Variants in SAP30L observed in about 807,000 individuals in gnomAD.
SAP30L encodes the protein SAP30 like, also known as histone deacetylase complex subunit SAP30L.
SAP30L carries 10 observed loss-of-function variants against 22.3 expected under a neutral mutation model. The observed-to-expected ratio is 0.45, with a 90% CI of 0.28 to 0.76. SAP30L has a LOEUF of 0.76. SAP30L is among the 30% of genes least tolerant of loss of function. The probability of loss-of-function intolerance (pLI) is 0.14; values close to 1 mark genes in which losing one functional copy is unlikely to be tolerated. For synonymous variants in SAP30L, 91 were observed against 94.1 expected (o/e 0.97, Z 0.19); for missense variants, 206 against 237.9 (o/e 0.87, Z 0.88).
In SAP30L at chr5:154,446,682, C is replaced by T. The variant is rs1205862702; in HGVS notation, c.78C>T (p.Gly26=). Residue 26 remains glycine (G), a synonymous_variant, in exon 1 of 4, where the codon GGC becomes GGT. Transcript: ENST00000297109. ...CAGCTGCCGCCGCCCCGGGCTACGG[C>T]CAGAGCTGCTGCCTCATCGAGGACG... ...AAPAAAAPGY[G]QSCCLIEDGE... is the part of the protein sequence containing the mutation. 3 of 1,576,530 alleles carry T rather than the reference C, an allele frequency of 1.9e-6. No homozygotes were observed. The highest frequency in any genetic ancestry group is 1.7e-6 in the Non-Finnish European group (2 of 1,165,076).
chr5:154,447,495 A>ACTCC (rs983632207), intron 1 of SAP30L, among the ~76,000 whole-genome samples: 4 of 151,566 alleles, frequency 2.6e-5, no homozygotes, highest in Admixed American at 2.6e-4. Context: ...ATTATAGGAA[A>ACTCC]CTCCTCCCGT....
At chr5:154,447,585 G>C (rs1056747019) in intron 1 of SAP30L, among the ~76,000 whole-genome samples, 3 of 152,222 alleles carry the variant, frequency 2.0e-5, no homozygotes, top group African/African-American at 7.2e-5. Flanking sequence ...TTTGACATCT[G>C]TTGCTACAAG....
chr5:154,452,534 T>G, intron 2 of SAP30L: 10 of 946,240 alleles, frequency 1.1e-5, no homozygotes, highest in Non-Finnish European at 1.3e-5. Flanking sequence ...CCTTCAATTT[T>G]TCATGACTAT....
At chr5:154,447,738 G>T (rs1007402870) in intron 1 of SAP30L, among the ~76,000 whole-genome samples, 19 of 152,176 alleles carry the variant, frequency 1.2e-4, no homozygotes, top group African/African-American at 4.6e-4. Flanking sequence ...GGAAATCAGA[G>T]ACTGCTTGTT....
At position 154,446,271 on chromosome 5, in the gene SAP30L, G is replaced by C. The variant is rs1454365057; in HGVS notation, c.-334G>C. The C allele has an allele frequency of 4.0e-6, 1 of 247,320 alleles. No homozygotes were observed. Among genetic ancestry groups the C allele is most frequent in the Non-Finnish European group, 7.7e-6 (1 of 129,716 alleles). 15.3% of individuals were successfully genotyped at this position (247,320 alleles called of 1,614,324 possible). On this transcript the variant is annotated 5_prime_UTR_variant, in exon 1 of 4. Transcript: ENST00000297109. ...GGCCCGGAGTCCTTGGGGAGCGGCT[G>C]TTTCCTGGGACGCCCTCCCGGACAC...
intron 3 of SAP30L, among the ~76,000 whole-genome samples, chr5:154,453,875 A>G (rs1757206092): frequency 6.6e-6 from 1 of 152,182 alleles, no homozygotes; most frequent in South Asian, 2.1e-4. Flanking sequence ...CACCCAGGCT[A>G]GAGTGCAGTG....
At position 154,460,912 on chromosome 5, in the gene SAP30L, C is replaced by T. The variant is rs6884266; in HGVS notation, c.*4884C>T. ...TGGGGGATCATTTGTATTTTAACTT[C>T]GTAATCTATGGCTCTGTACTGTTGA... On this transcript the variant is annotated 3_prime_UTR_variant, in exon 4 of 4. Coordinates refer to ENST00000297109, the MANE Select transcript of SAP30L (RefSeq NM_024632.6). The T allele has an allele frequency of 0.92, 139,297 of 152,224 alleles. 63,857 individuals are homozygous for T. The highest frequency in any genetic ancestry group is 0.98 in the African/African-American group (40,552 of 41,534). The allele number at this position is 152,224 out of a possible 1,614,324, so 9.4% of individuals were successfully genotyped here.
chr5:154,452,922 C>G (rs1266437846), intron 2 of SAP30L, among the ~76,000 whole-genome samples: 1 of 152,044 alleles, frequency 6.6e-6, no homozygotes, highest in Non-Finnish European at 1.5e-5. Flanking sequence ...CCTCCGTATC[C>G]CCCCATCAGT....
intron 1 of SAP30L, among the ~76,000 whole-genome samples, chr5:154,447,642 G>A (rs1286273720): frequency 6.6e-6 from 1 of 152,328 alleles, no homozygotes; most frequent in Middle Eastern, 3.4e-3. Flanking sequence ...GAGTTAAGGG[G>A]ATATTTAATA....
chr5:154,456,267 C>A lies in SAP30L; in HGVS notation c.*239C>A, dbSNP rs971844496. The A allele has an allele frequency of 2.8e-5, 9 of 320,864 alleles. No homozygotes were observed. Among genetic ancestry groups the A allele is most frequent in the Admixed American group, 4.6e-5 (1 of 21,838 alleles). The allele number at this position is 320,864 out of a possible 1,614,324, so 19.9% of individuals were successfully genotyped here. A position where few individuals can be genotyped will look rare whatever the true frequency, so the allele number is the denominator to read the frequency against. On this transcript the variant is annotated 3_prime_UTR_variant, in exon 4 of 4. Coordinates refer to ENST00000297109, the MANE Select transcript of SAP30L (RefSeq NM_024632.6). Reference sequence around the variant, plus strand: ...TCAGGATCATTAAAAGAATTAAAAACTATGTATTTCAGCATTCAACAAAGC... The same window carrying A: ...TCAGGATCATTAAAAGAATTAAAAAATATGTATTTCAGCATTCAACAAAGC...
chr5:154,448,708 C>T (rs1255424257), intron 1 of SAP30L, among the ~76,000 whole-genome samples: 2 of 152,192 alleles, frequency 1.3e-5, no homozygotes, highest in Non-Finnish European at 2.9e-5. Context: ...ATTGACTGTA[C>T]TGGAAAACCT....
chr5:154,450,754 G>A (rs1267521174), intron 1 of SAP30L, among the ~76,000 whole-genome samples: 1 of 152,104 alleles, frequency 6.6e-6, no homozygotes, highest in Non-Finnish European at 1.5e-5. Context: ...TACCCATCTG[G>A]AATGCTTCCT....
At chr5:154,449,453 C>T (rs1310830550) in intron 1 of SAP30L, among the ~76,000 whole-genome samples, 1 of 152,150 alleles carries the variant, frequency 6.6e-6, no homozygotes, top group East Asian at 1.9e-4. Flanking sequence ...TCTCTTACAG[C>T]TAGGATTCCG....
In SAP30L at chr5:154,446,648, C is replaced by A. The variant is rs1757015592; in HGVS notation, c.44C>A (p.Pro15His). Residue 15 changes from proline to histidine, a missense_variant, in exon 1 of 4, where the codon CCC becomes CAC. Physicochemically the swap from Pro to His is moderately conservative, Grantham distance 77. This residue lies in a region of SAP30L where 70 missense variants were observed against 50.5 expected (regional missense o/e 1.39). Coordinates refer to ENST00000297109, the MANE Select transcript of SAP30L (RefSeq NM_024632.6). ...STEEDSREGPPAAPAAAAPGY... is the reference protein window; with the variant it reads ...STEEDSREGPHAAPAAAAPGY... ...GAGGAGGACAGCCGCGAAGGGCCCCCCGCCGCCCCAGCTGCCGCCGCCCCG... is the reference window on the plus strand; with the variant it reads ...GAGGAGGACAGCCGCGAAGGGCCCCACGCCGCCCCAGCTGCCGCCGCCCCG... The A allele has an allele frequency of 2.0e-6, 3 of 1,536,036 alleles. No individual in the cohort carries two copies. Among genetic ancestry groups the A allele is most frequent in the Non-Finnish European group, 2.6e-6 (3 of 1,144,058 alleles).
At chr5:154,455,461 A>C (rs1406712304) in intron 3 of SAP30L, among the ~76,000 whole-genome samples, 4 of 152,044 alleles carry the variant, frequency 2.6e-5, no homozygotes, top group African/African-American at 7.2e-5. Flanking sequence ...CTCCCACCTT[A>C]ACCTCCCAAA....
At chr5:154,446,853 C>G in intron 1 of SAP30L, 48 bp downstream of exon 1, 2 of 1,512,866 alleles carry the variant, frequency 1.3e-6, no homozygotes, top group Non-Finnish European at 9.0e-7. Context: ...CCCAGCTCTC[C>G]GTCCGCTGCC....
At position 154,458,553 on chromosome 5, in the gene SAP30L, G is replaced by C. The variant is rs1158805063; in HGVS notation, c.*2525G>C. 6.6e-6 allele frequency: 1 copy of C among 152,178 alleles called. No homozygotes were observed. Among genetic ancestry groups the C allele is most frequent in the Non-Finnish European group, 1.5e-5 (1 of 68,060 alleles). 9.4% of individuals were successfully genotyped at this position (152,178 alleles called of 1,614,324 possible). On this transcript the variant is annotated 3_prime_UTR_variant, in exon 4 of 4. Coordinates refer to ENST00000297109, the MANE Select transcript of SAP30L (RefSeq NM_024632.6). ...TTTATACCATCCATCAAGGACTCTT[G>C]CGCTTCTCTCCACCTGTGACGTAGC...
At chr5:154,451,333 G>A in intron 2 of SAP30L, 120 bp downstream of exon 2, 1 of 1,064,972 alleles carries the variant, frequency 9.4e-7, no homozygotes, top group South Asian at 1.7e-5. Context: ...TTTTGCTGTG[G>A]ATTATTTGAA....
intron 1 of SAP30L, among the ~76,000 whole-genome samples, chr5:154,448,516 T>A (rs1441708136): frequency 6.6e-6 from 1 of 152,238 alleles, no homozygotes; most frequent in Non-Finnish European, 1.5e-5. Context: ...CTTATGGCAA[T>A]GAATTCATCC....
Sources: allele counts gnomAD v4.1 joint callset (sites outside exome capture counted in the v4.1 genomes callset), GRCh38; gene constraint gnomAD v4.1.1; regional missense constraint gnomAD v4.1.1; transcripts MANE v1.5; gene names NCBI Gene and HGNC (gene_info 2026-07-23, HGNC 2026-07-21).